ANO2: variants seen among roughly 807,000 people sequenced by gnomAD.
The protein encoded by ANO2 is anoctamin-2.
In ANO2, 101 loss-of-function variants were observed where a neutral mutation model predicts 124.2. That is an observed-to-expected ratio of 0.81 (90% confidence interval 0.69 to 0.96). ANO2 has a LOEUF of 0.96. Ranked by LOEUF, ANO2 falls within the 40% of genes least tolerant of loss-of-function variation. ANO2 has a pLI of 0.00. For synonymous variants in ANO2, 486 were observed against 482.5 expected (o/e 1.01, Z -0.09); for missense variants, 1,293 against 1,274.5 (o/e 1.01, Z -0.22).
At chr12:5,663,954 C>T (rs1384178742) in intron 14 of ANO2, among the ~76,000 whole-genome samples, 3 of 152,126 alleles carry the variant, frequency 2.0e-5, no homozygotes, top group Non-Finnish European at 2.9e-5. Context: ...AGTGTTCTAA[C>T]AGAGATAGAT....
At chr12:5,594,934 T>G (rs1364400774) in intron 20 of ANO2, among the ~76,000 whole-genome samples, 1 of 152,194 alleles carries the variant, frequency 6.6e-6, no homozygotes, top group Non-Finnish European at 1.5e-5. Context: ...TCTCTGTTCT[T>G]ATCATCTATA....
chr12:5,723,454 T>A (rs1443845533), intron 14 of ANO2, among the ~76,000 whole-genome samples: 1 of 152,162 alleles, frequency 6.6e-6, no homozygotes, highest in Non-Finnish European at 1.5e-5. Flanking sequence ...CATCCTAGAC[T>A]GCCCACATCT....
At chr12:5,826,908 C>T (rs1036391963) in intron 7 of ANO2, among the ~76,000 whole-genome samples, 4 of 152,276 alleles carry the variant, frequency 2.6e-5, no homozygotes, top group Non-Finnish European at 5.9e-5. Context: ...CTAAAGCTGC[C>T]TCAAAAGCCA....
intron 1 of ANO2, among the ~76,000 whole-genome samples, chr12:5,926,995 A>C (rs985393551): frequency 2.0e-5 from 3 of 152,182 alleles, no homozygotes; most frequent in African/African-American, 7.2e-5. Context: ...GAGCTATGAA[A>C]AATGCACAGG....
intron 10 of ANO2, among the ~76,000 whole-genome samples, chr12:5,771,774 A>G (rs1952089101): frequency 6.6e-6 from 1 of 152,206 alleles, no homozygotes; most frequent in African/African-American, 2.4e-5. Flanking sequence ...TCTCAAAATA[A>G]AAAATAAAAA....
intron 23 of ANO2, among the ~76,000 whole-genome samples, chr12:5,574,110 A>G (rs1251470484): frequency 6.6e-6 from 1 of 152,228 alleles, no homozygotes; most frequent in East Asian, 1.9e-4. Flanking sequence ...TGGTCCCACA[A>G]TACCTTCTCT....
chr12:5,894,930 C>T (rs1360472534), intron 3 of ANO2, among the ~76,000 whole-genome samples: 4 of 152,146 alleles, frequency 2.6e-5, no homozygotes, highest in African/African-American at 9.7e-5. Flanking sequence ...AGTGTGATGC[C>T]TCTAGCTTTG....
intron 19 of ANO2, among the ~76,000 whole-genome samples, chr12:5,604,516 G>A (rs984431456): frequency 6.6e-6 from 1 of 152,124 alleles, no homozygotes; most frequent in African/African-American, 2.4e-5. Context: ...TGGGATAGAG[G>A]GAAAGGAGCC....
intron 14 of ANO2, among the ~76,000 whole-genome samples, chr12:5,666,756 C>T (rs1416207306): frequency 1.3e-5 from 2 of 152,032 alleles, no homozygotes; most frequent in African/African-American, 4.8e-5. Flanking sequence ...AGCGCCTTTG[C>T]AGCAGCTGGC....
chr12:5,587,869 TC>T (rs1591677193), intron 20 of ANO2, among the ~76,000 whole-genome samples: 1 of 151,070 alleles, frequency 6.6e-6, no homozygotes, highest in African/African-American at 2.4e-5. Flanking sequence ...TCGCAGCCCC[TC>T]CCCCAAGCCT....
chr12:5,563,069 A>G lies in ANO2; in HGVS notation c.*230T>C. 3.2e-6 allele frequency: 2 copies of G among 633,708 alleles called. No homozygotes were observed. The highest frequency in any genetic ancestry group is 2.1e-5 in the South Asian group (1 of 47,296). 39.3% of individuals were successfully genotyped at this position (633,708 alleles called of 1,614,324 possible). A position where few individuals can be genotyped will look rare whatever the true frequency, so the allele number is the denominator to read the frequency against. ...ATCCCTCAAAAGGATGCAGCTTAAA[A>G]GGGGACCTAAAAGAAACTTAAGCTT... On this transcript the variant is annotated 3_prime_UTR_variant, in exon 25 of 25. Coordinates refer to ENST00000682330, the MANE Select transcript of ANO2 (RefSeq NM_001364791.2).
At chr12:5,944,776 C>T (rs1943027675) in intron 1 of ANO2, among the ~76,000 whole-genome samples, 1 of 152,064 alleles carries the variant, frequency 6.6e-6, no homozygotes, top group South Asian at 2.1e-4. Context: ...CTGTCCTCAG[C>T]GGACCGTTGC....
intron 10 of ANO2, among the ~76,000 whole-genome samples, chr12:5,758,961 T>A (rs899615124): frequency 1.3e-5 from 2 of 151,772 alleles, no homozygotes; most frequent in African/African-American, 2.4e-5. Context: ...TAAAGCAGAA[T>A]CTACTACAAA....
chr12:5,691,327 C>CAAA (rs60573302), intron 14 of ANO2, among the ~76,000 whole-genome samples: 266 of 86,660 alleles, frequency 3.1e-3, no homozygotes, highest in Non-Finnish European at 4.0e-3. Flanking sequence ...GACTCCATCT[C>CAAA]AAAAAAAAAA....
Position 5,925,448 on chromosome 12 carries a change from C to CGGTT in ANO2, c.23-2648_23-2645dup, listed in dbSNP as rs1366597642. Among the ~76,000 whole-genome samples, 5 of 152,144 alleles carry CGGTT rather than the reference C, an allele frequency of 3.3e-5. No homozygotes were observed. In the East Asian group the frequency reaches 9.6e-4, roughly 29 times the overall value. ...CCACAAGTGATTAGAGCACAGCACACGGTTCAGCCATCCCAGCCGTCCCAG... is the reference window on the plus strand; with the variant it reads ...CCACAAGTGATTAGAGCACAGCACACGGTTGGTTCAGCCATCCCAGCCGTCCCAG... On this transcript the variant is annotated intron_variant, in intron 1 of 24. Coordinates refer to ENST00000682330, the MANE Select transcript of ANO2 (RefSeq NM_001364791.2). The surrounding 1 kb of genome is among the most constrained non-coding windows in gnomAD (Gnocchi z 4.6).
intron 3 of ANO2, among the ~76,000 whole-genome samples, chr12:5,856,105 A>T (rs1311567457): frequency 6.6e-6 from 1 of 152,226 alleles, no homozygotes; most frequent in Non-Finnish European, 1.5e-5. Context: ...AAGTGAAAAT[A>T]AAGGGTAAGA....
chr12:5,738,791 C>T (rs1380152845), intron 13 of ANO2, among the ~76,000 whole-genome samples: 1 of 152,204 alleles, frequency 6.6e-6, no homozygotes, highest in Admixed American at 6.5e-5. Context: ...CAGAACACTG[C>T]TCTAGAAGAA....
At chr12:5,763,896 T>C (rs1951806580) in intron 10 of ANO2, among the ~76,000 whole-genome samples, 1 of 152,114 alleles carries the variant, frequency 6.6e-6, no homozygotes, top group South Asian at 2.1e-4. Context: ...TTTGAAAGGA[T>C]CAGTAAAACT....
At chr12:5,660,522 G>A (rs777284686) in intron 14 of ANO2, among the ~76,000 whole-genome samples, 15 of 150,470 alleles carry the variant, frequency 1.0e-4, no homozygotes, top group Non-Finnish European at 2.1e-4. Flanking sequence ...TTCAATTCTC[G>A]ATTCCAGCAT....
Sources: gnomAD v4.1 joint callset for allele counts (sites outside exome capture counted in the v4.1 genomes callset) on GRCh38, gnomAD v4.1.1 for gene constraint, Gnocchi (gnomAD v3.1) non-coding constraint, MANE v1.5 for transcripts, NCBI Gene and HGNC (gene_info 2026-07-23, HGNC 2026-07-21) for gene names.